The following MAF variants were observed in gnomAD, a reference collection of about 807,000 sequenced individuals.
MAF encodes the protein MAF bZIP transcription factor, also known as transcription factor Maf.
Under a neutral mutation model 22.0 loss-of-function variants are expected in MAF, and 10 were observed. The ratio of observed to expected loss-of-function variants is 0.45; its 90% CI spans 0.28 to 0.77. MAF has a LOEUF of 0.77. Among genes scored for constraint, MAF ranks in the 30% least tolerant of loss-of-function variants. The pLI is 0.12. For synonymous variants in MAF, 337 were observed against 255.8 expected, an observed-to-expected ratio of 1.32 and a Z score of -3.03; for missense variants, 544 against 548.4, an observed-to-expected ratio of 0.99 and a Z score of 0.08.
chr16:79,538,605 C>A, the MAF span, among the ~76,000 whole-genome samples: 2,516 of 152,146 alleles, frequency 0.017, 31 homozygotes, highest in Non-Finnish European at 0.027. Context: ...CAGAGATAAA[C>A]ATGGAAGAAA....
chr16:79,525,526 T>C, the MAF span, among the ~76,000 whole-genome samples: 1 of 152,202 alleles, frequency 6.6e-6, no homozygotes, highest in Admixed American at 6.5e-5. Context: ...ATCTACATTA[T>C]TCTAGGAGAG....
chr16:79,505,968 T>C, the MAF span, among the ~76,000 whole-genome samples: 2 of 141,636 alleles, frequency 1.4e-5, no homozygotes, highest in African/African-American at 5.3e-5. Context: ...AGAAAGAAAA[T>C]AGAGAAGGAG....
the MAF span, among the ~76,000 whole-genome samples, chr16:79,336,046 G>A: frequency 6.6e-6 from 1 of 152,186 alleles, no homozygotes; most frequent in Non-Finnish European, 1.5e-5. Context: ...CAGGGCAGAA[G>A]CTAGGGCTAT....
the MAF span, among the ~76,000 whole-genome samples, chr16:79,316,222 T>C: frequency 6.6e-6 from 1 of 152,236 alleles, no homozygotes; most frequent in African/African-American, 2.4e-5. Context: ...TTGAAGTTGC[T>C]GGTAACCTTA....
In MAF at chr16:79,594,358, TA is replaced by T; in HGVS notation, c.*101del. 1.9e-6 allele frequency: 2 copies of T among 1,037,934 alleles called. No homozygotes were observed. Among genetic ancestry groups the T allele is most frequent in the Non-Finnish European group, 2.9e-6 (2 of 683,430 alleles). 64.3% of individuals were successfully genotyped at this position (1,037,934 alleles called of 1,614,324 possible). On this transcript the variant is annotated 3_prime_UTR_variant, in exon 2 of 2. Coordinates refer to ENST00000326043, the MANE Select transcript of MAF (RefSeq NM_005360.5). ...CTTCTCTAACACAGTAATTTTTATT[TA>T]AAAAGGAGACTAAACAGAAGTCAGG...
the MAF span, among the ~76,000 whole-genome samples, chr16:79,441,646 A>G: frequency 3.3e-5 from 5 of 152,264 alleles, no homozygotes; most frequent in African/African-American, 1.2e-4. Context: ...CAGTCATTCT[A>G]AAAAGACAGT....
the MAF span, chr16:79,211,899 G>A: frequency 4.4e-5 from 68 of 1,560,022 alleles, no homozygotes; most frequent in South Asian, 2.5e-4. Context: ...ACACAGATCC[G>A]CAAGAGTAAA....
the MAF span, among the ~76,000 whole-genome samples, chr16:79,218,533 GT>G: frequency 6.6e-6 from 1 of 152,122 alleles, no homozygotes; most frequent in Non-Finnish European, 1.5e-5. Flanking sequence ...ATCTGGAAGG[GT>G]TACACAGGCA....
At chr16:79,486,751 A>G in the MAF span, among the ~76,000 whole-genome samples, 168 of 152,356 alleles carry the variant, frequency 1.1e-3, no homozygotes, top group Middle Eastern at 3.4e-3. Context: ...CCTCTGTAAC[A>G]TTACTTGGAA....
chr16:79,321,902 G>C, the MAF span, among the ~76,000 whole-genome samples: 3 of 152,040 alleles, frequency 2.0e-5, no homozygotes, highest in East Asian at 5.9e-4. Context: ...CCAAGACTTG[G>C]TCCTGGGTGA....
the MAF span, among the ~76,000 whole-genome samples, chr16:79,391,894 AGGAGCAGGAG>A: frequency 1.3e-5 from 1 of 74,524 alleles, no homozygotes; most frequent in Non-Finnish European, 4.4e-5. Flanking sequence ...GAGGAGGAGG[AGGAGCAGGAG>A]GAGGAGAAGG....
chr16:79,435,263 CACAT>C, the MAF span, among the ~76,000 whole-genome samples: 4 of 152,146 alleles, frequency 2.6e-5, no homozygotes, highest in African/African-American at 9.7e-5. Context: ...CACACACACA[CACAT>C]ATTCACAACC....
At chr16:79,502,341 T>C in the MAF span, among the ~76,000 whole-genome samples, 1 of 152,132 alleles carries the variant, frequency 6.6e-6, no homozygotes, top group African/African-American at 2.4e-5. Context: ...TACCGAACTC[T>C]TAACCTTAAG....
the MAF span, among the ~76,000 whole-genome samples, chr16:79,483,759 C>T: frequency 6.6e-6 from 1 of 152,154 alleles, no homozygotes; most frequent in Non-Finnish European, 1.5e-5. Flanking sequence ...AGGCAAGCTT[C>T]TGGGGCTGGA....
chr16:79,241,099 A>G, the MAF span, among the ~76,000 whole-genome samples: 1 of 152,158 alleles, frequency 6.6e-6, no homozygotes, highest in African/African-American at 2.4e-5. Flanking sequence ...CAGCGCAAAA[A>G]GGCTGGAAAT....
the MAF span, among the ~76,000 whole-genome samples, chr16:79,282,453 T>C: frequency 3.3e-5 from 5 of 152,170 alleles, no homozygotes; most frequent in Non-Finnish European, 7.4e-5. Flanking sequence ...AAAAGGAAAA[T>C]ATTAATGGTG....
the MAF span, among the ~76,000 whole-genome samples, chr16:79,248,220 C>A: frequency 6.6e-6 from 1 of 151,196 alleles, no homozygotes. Context: ...CAGAGTTATA[C>A]ATAAAGAGTT....
the MAF span, among the ~76,000 whole-genome samples, chr16:79,397,523 C>T: frequency 8.4e-4 from 128 of 152,204 alleles, no homozygotes; most frequent in Non-Finnish European, 1.4e-3. Flanking sequence ...CTGCCTGACT[C>T]TAATATTGTA....
chr16:79,567,629 G>C, the MAF span, among the ~76,000 whole-genome samples: 7 of 152,210 alleles, frequency 4.6e-5, no homozygotes, highest in Admixed American at 4.6e-4. Context: ...GGCTTCAGAA[G>C]GTGAAGCATG....
Sources: allele counts gnomAD v4.1 joint callset (sites outside exome capture counted in the v4.1 genomes callset), GRCh38; gene constraint gnomAD v4.1.1; transcripts MANE v1.5; gene names NCBI Gene and HGNC (gene_info 2026-07-23, HGNC 2026-07-21).